USP9Y: variants seen among roughly 807,000 people sequenced by gnomAD.
USP9Y encodes ubiquitin specific peptidase 9 Y-linked.
Under a neutral mutation model 53.1 loss-of-function variants are expected in USP9Y, and 41 were observed. The ratio of observed to expected loss-of-function variants is 0.77; its 90% CI spans 0.60 to 1.00. The LOEUF (loss-of-function observed/expected upper bound fraction) is 1.00. Among genes scored for constraint, USP9Y ranks in the 50% least tolerant of loss-of-function variants. The pLI, the probability that USP9Y is intolerant of heterozygous loss-of-function variation, is 0.00. For synonymous variants in USP9Y, 220 were observed against 173.7 expected, an observed-to-expected ratio of 1.27 and a Z score of -2.09; for missense variants, 567 against 535.8, an observed-to-expected ratio of 1.06 and a Z score of -0.58.
intron 45 of USP9Y, among the ~76,000 whole-genome samples, chrY:12,858,575 T>A: frequency 3.0e-5 from 1 of 33,745 alleles, no homozygotes; most frequent in Non-Finnish European, 7.3e-5. Flanking sequence ...TCTGCCCGCC[T>A]TGGCCCCCCA....
chrY:12,744,530 G>T, intron 12 of USP9Y, among the ~76,000 whole-genome samples: 20 of 33,642 alleles, frequency 5.9e-4, no homozygotes, highest in Admixed American at 5.5e-3. Flanking sequence ...AACCCTGACT[G>T]CTGTTGGGAA....
At chrY:12,754,018 T>G in intron 12 of USP9Y, among the ~76,000 whole-genome samples, 1 of 31,928 alleles carries the variant, frequency 3.1e-5, no homozygotes, top group Admixed American at 3.0e-4. Flanking sequence ...CTCTTATCTG[T>G]GTGTTTGGTG....
At chrY:12,793,526 T>C (rs2053510644) in intron 27 of USP9Y, among the ~76,000 whole-genome samples, 2 of 33,288 alleles carry the variant, frequency 6.0e-5, no homozygotes, top group African/African-American at 2.4e-4. Flanking sequence ...TTGCACAATA[T>C]TGTGCAGTTA....
chrY:12,742,919 C>T, intron 12 of USP9Y, among the ~76,000 whole-genome samples: 1 of 32,895 alleles, frequency 3.0e-5, no homozygotes, highest in African/African-American at 1.2e-4. Context: ...TTGCAACACC[C>T]GCTTGCCTTC....
intron 17 of USP9Y, among the ~76,000 whole-genome samples, chrY:12,774,913 A>G (rs2053490980): frequency 6.0e-5 from 2 of 33,563 alleles, no homozygotes; most frequent in South Asian, 1.3e-3. Context: ...AGTAACTCCT[A>G]TCAATTAAAA....
At chrY:12,819,412 G>T in intron 33 of USP9Y, among the ~76,000 whole-genome samples, 1 of 32,841 alleles carries the variant, frequency 3.0e-5, no homozygotes, top group South Asian at 6.8e-4. Flanking sequence ...CAAAAATTAA[G>T]CATGGTAATA....
intron 14 of USP9Y, among the ~76,000 whole-genome samples, chrY:12,760,219 A>G: frequency 1.2e-4 from 4 of 34,144 alleles, no homozygotes; most frequent in Admixed American, 5.4e-4. Context: ...GATATTCTTC[A>G]TCATGCAACA....
intron 24 of USP9Y, among the ~76,000 whole-genome samples, chrY:12,788,917 A>G: frequency 3.2e-5 from 1 of 31,079 alleles, no homozygotes; most frequent in Admixed American, 2.9e-4. Flanking sequence ...GACAGGTTTC[A>G]CTATGCTGGG....
rs2053456315 is a variant in USP9Y, at chrY:12,740,176, G to T, written c.1422+547G>T. On this transcript the variant is annotated intron_variant, in intron 12 of 45. Coordinates refer to ENST00000338981, the MANE Select transcript of USP9Y (RefSeq NM_004654.4). ...TCAGTAAATAGTAATTAGATTTTTG[G>T]TGGGAGCTTTACTTGCTAATTACAA... 9.1e-5 allele frequency among the ~76,000 whole-genome samples: 3 copies of T among 33,083 alleles called. No homozygotes were observed. In the South Asian group the frequency reaches 2.0e-3, roughly 22 times the overall value. The allele number at this position is 33,083 out of a possible 37,273, so 88.8% of individuals were successfully genotyped here. A position where few individuals can be genotyped will look rare whatever the true frequency, so the allele number is the denominator to read the frequency against.
chrY:12,805,444 G>A (rs2053523494), intron 27 of USP9Y, among the ~76,000 whole-genome samples: 1 of 33,139 alleles, frequency 3.0e-5, no homozygotes, highest in South Asian at 6.9e-4. Context: ...GGAGGAGGAA[G>A]CTCCTGCAAA....
At chrY:12,841,689 A>G in intron 37 of USP9Y, among the ~76,000 whole-genome samples, 1 of 31,793 alleles carries the variant, frequency 3.1e-5, no homozygotes, top group Non-Finnish European at 7.6e-5. Flanking sequence ...CAAAAAAAAA[A>G]AAAATTAAAA....
At chrY:12,749,820 C>G (rs2053462820) in intron 12 of USP9Y, among the ~76,000 whole-genome samples, 1 of 33,889 alleles carries the variant, frequency 3.0e-5, no homozygotes, top group Admixed American at 2.7e-4. Context: ...AGAACATTTA[C>G]AAATTATGAA....
chrY:12,842,848 TTTTG>T (rs2053563370), intron 38 of USP9Y, among the ~76,000 whole-genome samples: 12 of 33,138 alleles, frequency 3.6e-4, no homozygotes, highest in East Asian at 1.5e-3. Flanking sequence ...TGCCAGGGCT[TTTTG>T]TTTGTTTGTT....
chrY:12,841,775 G>A, intron 37 of USP9Y, among the ~76,000 whole-genome samples: 1 of 32,826 alleles, frequency 3.0e-5, no homozygotes, highest in African/African-American at 1.2e-4. Context: ...GAGCCCAGGA[G>A]TTTGAAGCTG....
At chrY:12,822,472 C>A (rs753872503) in intron 33 of USP9Y, among the ~76,000 whole-genome samples, 12 of 30,345 alleles carry the variant, frequency 4.0e-4, no homozygotes, top group Admixed American at 2.2e-3. Context: ...TCAAGCAATT[C>A]TTCTGCCTCA....
chrY:12,714,870 G>A, intron 3 of USP9Y, among the ~76,000 whole-genome samples: 1 of 32,594 alleles, frequency 3.1e-5, no homozygotes, highest in Non-Finnish European at 7.5e-5. Context: ...CTTCAGAGAT[G>A]CACATTAAGT....
intron 33 of USP9Y, among the ~76,000 whole-genome samples, chrY:12,826,705 GA>G: frequency 1.2e-4 from 1 of 8,545 alleles, no homozygotes; most frequent in South Asian, 3.6e-3. Context: ...AATGAAGTTG[GA>G]AAAAAAAAAA....
At chrY:12,857,799 T>C in intron 45 of USP9Y, 138 bp downstream of exon 45, 1 of 156,349 alleles carries the variant, frequency 6.4e-6, no homozygotes, top group Non-Finnish European at 1.2e-5. Context: ...CTGGATAAAC[T>C]GTTCCAAACC....
chrY:12,833,014 T>C, intron 33 of USP9Y, among the ~76,000 whole-genome samples: 1 of 33,456 alleles, frequency 3.0e-5, no homozygotes, highest in African/African-American at 1.2e-4. Context: ...AAAAACACAG[T>C]GTACCACCTT....
Sources: gnomAD v4.1 joint callset for allele counts (sites outside exome capture counted in the v4.1 genomes callset) on GRCh38, gnomAD v4.1.1 for gene constraint, MANE v1.5 for transcripts, NCBI Gene and HGNC (gene_info 2026-07-23, HGNC 2026-07-21) for gene names.